The following AFF2 variants were observed in gnomAD, a reference collection of about 807,000 sequenced individuals.
The protein encoded by AFF2 is AF4/FMR2 family member 2.
Under a neutral mutation model 76.9 loss-of-function variants are expected in AFF2, and 14 were observed. The observed-to-expected ratio is 0.18, with a 90% CI of 0.12 to 0.28. AFF2 has a LOEUF of 0.28. Ranked by LOEUF, AFF2 falls within the 10% of genes least tolerant of loss-of-function variation. The pLI is 1.00. For missense variants in AFF2, 868 were observed against 1,001.1 expected (o/e 0.87, Z 1.79); for synonymous variants, 398 against 366.7 (o/e 1.09, Z -0.98).
intron 3 of AFF2, among the ~76,000 whole-genome samples, chrX:148,757,537 G>A (rs1231085884): frequency 9.0e-6 from 1 of 111,041 alleles, no homozygotes; most frequent in African/African-American, 3.3e-5. Flanking sequence ...GCTCTCAGTA[G>A]GTGCCCAGTG....
At chrX:148,547,645 C>T (rs782042653) in intron 1 of AFF2, among the ~76,000 whole-genome samples, 5 of 111,784 alleles carry the variant, frequency 4.5e-5, no homozygotes, top group African/African-American at 6.5e-5. Flanking sequence ...GTATTAAGGC[C>T]TATGAATATA....
At chrX:148,609,420 A>G (rs112416855) in intron 1 of AFF2, among the ~76,000 whole-genome samples, 2,065 of 111,317 alleles carry the variant, frequency 0.019, 43 homozygotes, top group African/African-American at 0.064. Flanking sequence ...CTTCTGTTCT[A>G]GTTGGGTTAT....
intron 2 of AFF2, among the ~76,000 whole-genome samples, chrX:148,660,599 G>A (rs141870815): frequency 1.6e-3 from 175 of 112,009 alleles, no homozygotes; most frequent in African/African-American, 5.5e-3. Context: ...AGCAGAGAGT[G>A]TACCAATGGT....
At chrX:148,767,610 T>A (rs1476478326) in intron 3 of AFF2, among the ~76,000 whole-genome samples, 2 of 111,868 alleles carry the variant, frequency 1.8e-5, no homozygotes, top group Non-Finnish European at 3.8e-5. Context: ...TTTCATAATA[T>A]CCTTGTAACC....
intron 8 of AFF2, 114 bp from the exon 9 acceptor site, chrX:148,904,107 G>A (rs782440310): frequency 1.7e-5 from 9 of 533,126 alleles, no homozygotes; most frequent in African/African-American, 9.6e-5. Context: ...ACCCTGTTTC[G>A]GTTAGCTCCT....
chrX:148,803,223 C>G (rs1244078066), intron 3 of AFF2, among the ~76,000 whole-genome samples: 1 of 111,478 alleles, frequency 9.0e-6, no homozygotes, highest in Non-Finnish European at 1.9e-5. Context: ...TCAGGAAGAG[C>G]ATAGGCAAGA....
At position 148,662,043 on chromosome X, in the gene AFF2, C is replaced by G; in HGVS notation, c.316C>G (p.Pro106Ala). ...TCCAAAGAATTCTGTGCCCCAGAAT[C>G]CCAACAACAAAAATGAACCAAGCTT... The part of the protein sequence containing the change: ...GIPKNSVPQN[P>A]NNKNEPSFFP... The change falls in exon 3 of 21, where the codon CCC becomes GCC. Residue 106 changes from proline (P) to alanine (A), a missense_variant. Pro to Ala is a conservative substitution (Grantham distance 27, BLOSUM62 -1). Around this residue, in one of 6 missense-constraint regions of AFF2, gnomAD observed 196 missense variants for 194.8 expected, o/e 1.01. Transcript: ENST00000370460. 8.3e-7 allele frequency: 1 copy of G among 1,210,818 alleles called. No individual in the cohort carries two copies. The highest frequency in any genetic ancestry group is 1.8e-5 in the South Asian group (1 of 56,964).
intron 3 of AFF2, among the ~76,000 whole-genome samples, chrX:148,777,886 A>G (rs1480823945): frequency 1.8e-5 from 2 of 111,897 alleles, no homozygotes; most frequent in Non-Finnish European, 3.8e-5. Flanking sequence ...TTCCAACACT[A>G]TGTTGAATAG....
At chrX:148,959,948 C>T (rs1052160547) in intron 12 of AFF2, among the ~76,000 whole-genome samples, 2 of 112,822 alleles carry the variant, frequency 1.8e-5, no homozygotes, top group Non-Finnish European at 3.7e-5. Flanking sequence ...CCCACTGCTA[C>T]ACTCTCTAGG....
chrX:148,540,787 A>G (rs2052845304), intron 1 of AFF2, among the ~76,000 whole-genome samples: 1 of 111,834 alleles, frequency 8.9e-6, no homozygotes, highest in Non-Finnish European at 1.9e-5. Flanking sequence ...AGAATGTGCA[A>G]AACTCACGCA....
At chrX:148,707,764 A>G (rs1286163801) in intron 3 of AFF2, among the ~76,000 whole-genome samples, 1 of 111,698 alleles carries the variant, frequency 9.0e-6, no homozygotes, top group Non-Finnish European at 1.9e-5. Flanking sequence ...TTTAAACTAC[A>G]ATAAATCCAT....
At chrX:148,612,823 A>C (rs1453233731) in intron 1 of AFF2, among the ~76,000 whole-genome samples, 2 of 112,123 alleles carry the variant, frequency 1.8e-5, no homozygotes, top group African/African-American at 6.5e-5. Context: ...GCCTTCATGA[A>C]GTCATTCTTT....
At chrX:148,718,432 G>A (rs1163613838) in intron 3 of AFF2, among the ~76,000 whole-genome samples, 1 of 110,768 alleles carries the variant, frequency 9.0e-6, no homozygotes, top group Non-Finnish European at 1.9e-5. Context: ...TGGATTTGGG[G>A]CCCAACACTT....
intron 16 of AFF2, among the ~76,000 whole-genome samples, chrX:148,976,391 T>C (rs1403401342): frequency 8.9e-6 from 1 of 112,572 alleles, no homozygotes; most frequent in Non-Finnish European, 1.9e-5. Context: ...CATTTTTGCA[T>C]GTACCCATTT....
chrX:148,846,089 T>G (rs782193667), intron 7 of AFF2, among the ~76,000 whole-genome samples: 16 of 112,145 alleles, frequency 1.4e-4, no homozygotes, highest in Non-Finnish European at 9.4e-5. Context: ...TCTTTCTTTT[T>G]GACAATTACT....
chrX:148,522,612 G>A (rs191610825), intron 1 of AFF2, among the ~76,000 whole-genome samples: 84 of 111,381 alleles, frequency 7.5e-4, no homozygotes, highest in African/African-American at 2.3e-3. Flanking sequence ...AATGCTCATC[G>A]GGTCTTTGCA....
intron 3 of AFF2, among the ~76,000 whole-genome samples, chrX:148,701,011 A>AGAGAGAG (rs10675199): frequency 3.3e-5 from 2 of 61,160 alleles, no homozygotes; most frequent in African/African-American, 5.8e-5. Context: ...AGAGAGAGAG[A>AGAGAGAG]ATGTGTGTGT....
At chrX:148,757,459 G>A (rs112255845) in intron 3 of AFF2, among the ~76,000 whole-genome samples, 2,973 of 111,144 alleles carry the variant, frequency 0.027, 113 homozygotes, top group African/African-American at 0.092. Context: ...ACAATTTAAA[G>A]CACCGTATAT....
intron 3 of AFF2, among the ~76,000 whole-genome samples, chrX:148,700,527 A>G (rs1307344388): frequency 9.3e-6 from 1 of 107,581 alleles, no homozygotes; most frequent in Admixed American, 1.0e-4. Context: ...CGGTCCTGGC[A>G]CTGAGGCACT....
Sources: gnomAD v4.1 joint callset for allele counts (sites outside exome capture counted in the v4.1 genomes callset) on GRCh38, gnomAD v4.1.1 for gene constraint, gnomAD v4.1.1 regional missense constraint, MANE v1.5 for transcripts, NCBI Gene and HGNC (gene_info 2026-07-23, HGNC 2026-07-21) for gene names.